Variants in SVOPL observed in about 807,000 individuals in gnomAD.
SVOPL encodes the protein SVOP like, also known as putative transporter SVOPL.
A neutral mutation model predicts 61.0 loss-of-function variants in SVOPL; 60 were observed. That is an observed-to-expected ratio of 0.98 (90% CI 0.80 to 1.22). SVOPL has a LOEUF of 1.22. Ranked by LOEUF, SVOPL falls within the 50% of genes most tolerant of loss-of-function variation. The probability of loss-of-function intolerance (pLI) is 0.00; values close to 1 mark genes in which losing one functional copy is unlikely to be tolerated. For synonymous variants in SVOPL, 279 were observed against 250.0 expected (o/e 1.12, Z -1.09); for missense variants, 662 against 643.9 (o/e 1.03, Z -0.30).
chr7:138,679,661 GA>G (rs1802657957), intron 1 of SVOPL, among the ~76,000 whole-genome samples: 1 of 152,142 alleles, frequency 6.6e-6, no homozygotes, highest in African/African-American at 2.4e-5. Flanking sequence ...AAATGGGGAT[GA>G]TATAATAATG....
intron 7 of SVOPL, among the ~76,000 whole-genome samples, chr7:138,652,989 C>T (rs998625686): frequency 2.4e-4 from 36 of 152,140 alleles, no homozygotes; most frequent in African/African-American, 8.7e-4. Context: ...GAAAGTGAAA[C>T]AGCATTACGG....
At chr7:138,663,783 A>G (rs1220563919) in intron 4 of SVOPL, among the ~76,000 whole-genome samples, 1 of 152,010 alleles carries the variant, frequency 6.6e-6, no homozygotes, top group Middle Eastern at 3.2e-3. Context: ...CAAGAAGTTC[A>G]GGCTTCACTG....
chr7:138,617,172 G>T (rs1400335090), intron 14 of SVOPL, among the ~76,000 whole-genome samples: 1 of 152,130 alleles, frequency 6.6e-6, no homozygotes, highest in African/African-American at 2.4e-5. Flanking sequence ...GTTTCACCGT[G>T]TTGGCCAGGC....
intron 1 of SVOPL, among the ~76,000 whole-genome samples, chr7:138,696,987 A>T (rs1157745518): frequency 6.6e-6 from 1 of 152,194 alleles, no homozygotes; most frequent in Non-Finnish European, 1.5e-5. Context: ...AGAAGTCCAC[A>T]TGGTAGCCTG....
At chr7:138,664,148 A>G in intron 4 of SVOPL, 1 of 904,376 alleles carries the variant, frequency 1.1e-6, no homozygotes, top group Non-Finnish European at 1.3e-6. Context: ...GCCCCCAACG[A>G]TCCTCAGTGG....
intron 15 of SVOPL, among the ~76,000 whole-genome samples, 188 bp from the exon 16 acceptor site, chr7:138,594,809 A>T (rs1798211437): frequency 6.6e-6 from 1 of 152,150 alleles, no homozygotes; most frequent in Non-Finnish European, 1.5e-5. Context: ...TATAATGCAG[A>T]TGTCATTTAG....
chr7:138,613,713 A>G (rs1799160126), intron 14 of SVOPL, among the ~76,000 whole-genome samples: 1 of 152,150 alleles, frequency 6.6e-6, no homozygotes, highest in African/African-American at 2.4e-5. Context: ...TTTTACATTA[A>G]TTGCATATTG....
chr7:138,696,576 C>G (rs1803070093), intron 1 of SVOPL, among the ~76,000 whole-genome samples: 1 of 152,120 alleles, frequency 6.6e-6, no homozygotes, highest in African/African-American at 2.4e-5. Context: ...GTGCCCGCCA[C>G]CATATCCAGC....
intron 7 of SVOPL, among the ~76,000 whole-genome samples, chr7:138,655,174 A>G (rs1801660134): frequency 1.3e-5 from 2 of 151,044 alleles, no homozygotes; most frequent in Admixed American, 1.3e-4. Flanking sequence ...TGGGTGACAG[A>G]GCAAGACCCT....
At position 138,672,077 on chromosome 7, in the gene SVOPL, G is replaced by A. The variant is rs1299439576; in HGVS notation, c.215C>T (p.Ser72Phe). The A allele has an allele frequency of 3.2e-6, 5 of 1,551,530 alleles. No individual in the cohort carries two copies. The highest frequency in any genetic ancestry group is 4.4e-6 in the Non-Finnish European group (5 of 1,147,002). The change falls in exon 4 of 16, where the codon TCT becomes TTT. Residue 72 changes from serine (S) to phenylalanine (F), a missense_variant. By Grantham distance (155) the Ser-to-Phe change is radical. Transcript: ENST00000674285. ...TTGCCATTCACAGCGGATGACAGGAGACACAACAGCTATCAACATGATCTC... is the reference window on the plus strand; with the variant it reads ...TTGCCATTCACAGCGGATGACAGGAAACACAACAGCTATCAACATGATCTC... ...AMEIMLIAVV[S>F]PVIRCEWQLE...
chr7:138,695,358 A>T (rs911278292), intron 1 of SVOPL, among the ~76,000 whole-genome samples: 20 of 152,110 alleles, frequency 1.3e-4, no homozygotes, highest in African/African-American at 3.9e-4. Flanking sequence ...CCTCAAATAC[A>T]GAAATTCAGT....
intron 6 of SVOPL, among the ~76,000 whole-genome samples, chr7:138,659,564 T>C (rs1801908848): frequency 6.6e-6 from 1 of 152,130 alleles, no homozygotes; most frequent in Non-Finnish European, 1.5e-5. Context: ...TGAGTTGTCC[T>C]GCCCTTCCAG....
At chr7:138,667,369 T>C (rs548203215) in intron 4 of SVOPL, among the ~76,000 whole-genome samples, 22 of 152,348 alleles carry the variant, frequency 1.4e-4, no homozygotes, top group African/African-American at 5.3e-4. Context: ...GTTTTCTATC[T>C]AAGTCTAGCT....
At chr7:138,679,355 C>A (rs376919219) in intron 1 of SVOPL, among the ~76,000 whole-genome samples, 1 of 152,000 alleles carries the variant, frequency 6.6e-6, no homozygotes, top group Non-Finnish European at 1.5e-5. Context: ...CTACAACCTC[C>A]GCCTTCTGAG....
intron 1 of SVOPL, among the ~76,000 whole-genome samples, chr7:138,683,449 C>T (rs1802741346): frequency 6.6e-6 from 1 of 151,952 alleles, no homozygotes; most frequent in African/African-American, 2.4e-5. Flanking sequence ...CTCACTGCAA[C>T]CTCTGCCCCC....
chr7:138,648,044 A>G (rs1271011376), intron 8 of SVOPL, among the ~76,000 whole-genome samples: 1 of 152,082 alleles, frequency 6.6e-6, no homozygotes, highest in African/African-American at 2.4e-5. Context: ...TGAGTGGTCA[A>G]TCTTGTCTTT....
At chr7:138,699,193 A>C (rs1309817690) in intron 1 of SVOPL, among the ~76,000 whole-genome samples, 1 of 152,094 alleles carries the variant, frequency 6.6e-6, no homozygotes, top group African/African-American at 2.4e-5. Context: ...AGTCCCAGCT[A>C]CTTGGGAGGC....
intron 14 of SVOPL, among the ~76,000 whole-genome samples, chr7:138,602,408 T>C (rs1044382687): frequency 1.3e-5 from 2 of 149,726 alleles, no homozygotes; most frequent in Non-Finnish European, 3.0e-5. Flanking sequence ...CTACATGTAC[T>C]GACATAAGAT....
chr7:138,630,218 T>G (rs1584803690), intron 9 of SVOPL, 96 bp from the exon 10 acceptor site: 1 of 993,192 alleles, frequency 1.0e-6, no homozygotes, highest in South Asian at 1.4e-5. Flanking sequence ...AGAATCATAT[T>G]GGAGCATGGT....
Sources: allele counts gnomAD v4.1 joint callset (sites outside exome capture counted in the v4.1 genomes callset), GRCh38; gene constraint gnomAD v4.1.1; transcripts MANE v1.5; gene names NCBI Gene and HGNC (gene_info 2026-07-23, HGNC 2026-07-21).